CNKSR2: variants seen among roughly 807,000 people sequenced by gnomAD.
The protein encoded by CNKSR2 is connector enhancer of kinase suppressor of Ras 2.
In CNKSR2, 14 loss-of-function variants were observed where a neutral mutation model predicts 84.4. That is an observed-to-expected ratio of 0.17 (90% CI 0.11 to 0.26). The LOEUF is 0.26. Ranked by LOEUF, CNKSR2 falls within the 10% of genes least tolerant of loss-of-function variation. The pLI, the probability that CNKSR2 is intolerant of heterozygous loss-of-function variation, is 1.00. For synonymous variants in CNKSR2, 275 were observed against 277.9 expected (o/e 0.99, Z 0.10); for missense variants, 485 against 771.2 (o/e 0.63, Z 4.40).
intron 20 of CNKSR2, among the ~76,000 whole-genome samples, chrX:21,640,088 CT>C (rs1216471946): frequency 1.8e-5 from 2 of 111,590 alleles, no homozygotes; most frequent in African/African-American, 6.5e-5. Context: ...TGTTTCCAGT[CT>C]CTTGCAATAG....
chrX:21,547,303 C>A (rs2147155396), intron 11 of CNKSR2, among the ~76,000 whole-genome samples: 1 of 111,363 alleles, frequency 9.0e-6, no homozygotes, highest in South Asian at 3.8e-4. Flanking sequence ...ATAAAACAGA[C>A]TTTAAAGCAA....
chrX:21,576,082 C>G (rs2092317566), intron 13 of CNKSR2, among the ~76,000 whole-genome samples: 1 of 112,119 alleles, frequency 8.9e-6, no homozygotes, highest in South Asian at 3.7e-4. Context: ...TGACTGTCCA[C>G]CAGCAGTTTC....
chrX:21,489,088 T>C (rs2091415945), intron 5 of CNKSR2, among the ~76,000 whole-genome samples: 1 of 111,709 alleles, frequency 9.0e-6, no homozygotes, highest in Non-Finnish European at 1.9e-5. Context: ...TTGTCTGTTA[T>C]CTACTTCTAA....
chrX:21,540,212 T>A (rs1313792145), intron 11 of CNKSR2, among the ~76,000 whole-genome samples: 1 of 111,944 alleles, frequency 8.9e-6, no homozygotes, highest in Non-Finnish European at 1.9e-5. Flanking sequence ...GTCAAATGAG[T>A]ACACATGACA....
At chrX:21,395,996 T>A (rs2090117010) in intron 1 of CNKSR2, among the ~76,000 whole-genome samples, 1 of 112,020 alleles carries the variant, frequency 8.9e-6, no homozygotes, top group Non-Finnish European at 1.9e-5. Context: ...GGCAAATTCC[T>A]AAGACATTAG....
chrX:21,604,404 A>G (rs1288349861), intron 18 of CNKSR2, among the ~76,000 whole-genome samples: 2 of 111,272 alleles, frequency 1.8e-5, no homozygotes, highest in Non-Finnish European at 3.8e-5. Flanking sequence ...AACATGGCAC[A>G]TGTATACATA....
At chrX:21,572,672 C>T (rs1352971487) in intron 13 of CNKSR2, among the ~76,000 whole-genome samples, 1 of 111,252 alleles carries the variant, frequency 9.0e-6, no homozygotes, top group Non-Finnish European at 1.9e-5. Context: ...GCCATCAGCT[C>T]TCATGATAAA....
At chrX:21,536,716 G>GTTTCCT in intron 11 of CNKSR2, among the ~76,000 whole-genome samples, 1 of 109,857 alleles carries the variant, frequency 9.1e-6, no homozygotes, top group East Asian at 2.8e-4. Context: ...CAGTGGCAAA[G>GTTTCCT]TTTCCTTTTT....
At chrX:21,580,968 C>T (rs2092349500) in intron 13 of CNKSR2, among the ~76,000 whole-genome samples, 1 of 111,656 alleles carries the variant, frequency 9.0e-6, no homozygotes, top group Non-Finnish European at 1.9e-5. Context: ...GAACTTGCTG[C>T]CTCTGTCTCA....
At chrX:21,615,717 G>A (rs1235282315) in intron 20 of CNKSR2, among the ~76,000 whole-genome samples, 1 of 111,260 alleles carries the variant, frequency 9.0e-6, no homozygotes, top group Non-Finnish European at 1.9e-5. Flanking sequence ...TTTGTATTAA[G>A]GCAAAGCGGG....
intron 8 of CNKSR2, among the ~76,000 whole-genome samples, chrX:21,513,267 T>A (rs1391470987): frequency 9.0e-6 from 1 of 111,572 alleles, no homozygotes; most frequent in Non-Finnish European, 1.9e-5. Context: ...GTGTAACACT[T>A]AGCCTAGAGG....
At chrX:21,547,779 T>C (rs2092042348) in intron 11 of CNKSR2, among the ~76,000 whole-genome samples, 1 of 111,515 alleles carries the variant, frequency 9.0e-6, no homozygotes, top group Non-Finnish European at 1.9e-5. Context: ...AGAAACTCAC[T>C]AAAACTGCAC....
chrX:21,384,119 A>T (rs974192214), intron 1 of CNKSR2, among the ~76,000 whole-genome samples: 5 of 111,977 alleles, frequency 4.5e-5, no homozygotes, highest in Non-Finnish European at 9.4e-5. Context: ...TAACAGAGAA[A>T]GTGTAGAGAT....
chrX:21,410,558 A>C (rs1340826796), intron 1 of CNKSR2, among the ~76,000 whole-genome samples: 1 of 111,466 alleles, frequency 9.0e-6, no homozygotes, highest in African/African-American at 3.3e-5. Context: ...TATTTTTAGG[A>C]AACATGATCA....
intron 20 of CNKSR2, among the ~76,000 whole-genome samples, chrX:21,613,977 G>A (rs1431021841): frequency 5.5e-5 from 6 of 108,472 alleles, no homozygotes; most frequent in Non-Finnish European, 9.6e-5. Context: ...AAAATTAGCC[G>A]GTCTTATAAC....
At chrX:21,593,476 A>G (rs1242159748) in intron 15 of CNKSR2, 3 of 111,731 alleles carry the variant, frequency 2.7e-5, no homozygotes, top group African/African-American at 9.8e-5. Flanking sequence ...TGAACTTGAT[A>G]TATAAGGAGC....
At chrX:21,446,392 A>G (rs1223935423) in intron 4 of CNKSR2, among the ~76,000 whole-genome samples, 1 of 111,695 alleles carries the variant, frequency 9.0e-6, no homozygotes, top group Admixed American at 9.5e-5. Context: ...ATAAATACAC[A>G]TACAAGAAAT....
chrX:21,567,359 T>C (rs748438881), intron 13 of CNKSR2, among the ~76,000 whole-genome samples: 13 of 112,077 alleles, frequency 1.2e-4, no homozygotes, highest in African/African-American at 3.9e-4. Flanking sequence ...CTAGTACAAA[T>C]GTAGTACCTT....
At chrX:21,595,159 GT>G in intron 16 of CNKSR2, 112 bp downstream of exon 16, 1 of 690,093 alleles carries the variant, frequency 1.4e-6, no homozygotes, top group Non-Finnish European at 2.2e-6. Flanking sequence ...TAAGAAAGCA[GT>G]TTTGTGGGCA....
Sources: gnomAD v4.1 joint callset for allele counts (sites outside exome capture counted in the v4.1 genomes callset) on GRCh38, gnomAD v4.1.1 for gene constraint, MANE v1.5 for transcripts, NCBI Gene and HGNC (gene_info 2026-07-23, HGNC 2026-07-21) for gene names.